Variants in SEMA3F observed in about 807,000 individuals in gnomAD.
SEMA3F encodes semaphorin 3F.
Under a neutral mutation model 98.5 loss-of-function variants are expected in SEMA3F, and 30 were observed. That is an observed-to-expected ratio of 0.30 (90% CI 0.23 to 0.41). SEMA3F has a LOEUF of 0.41. SEMA3F is among the 10% of genes least tolerant of loss of function. SEMA3F has a pLI of 1.00. For synonymous variants in SEMA3F, 380 were observed against 444.8 expected (o/e 0.85, Z 1.83); for missense variants, 866 against 1,119.3 (o/e 0.77, Z 3.23).
intron 2 of SEMA3F, among the ~76,000 whole-genome samples, chr3:50,161,294 C>T (rs1212953457): frequency 6.6e-6 from 1 of 152,230 alleles, no homozygotes; most frequent in African/African-American, 2.4e-5. Context: ...CTCCCTGGAC[C>T]TCCAGGGGCA....
At chr3:50,159,502 C>T (rs1698123012) in intron 1 of SEMA3F, 73 bp from the exon 2 acceptor site, 1 of 621,822 alleles carries the variant, frequency 1.6e-6, no homozygotes, top group Non-Finnish European at 2.8e-6. Flanking sequence ...CCATCAACCT[C>T]TTTGTTCACC....
chr3:50,176,940 A>G (rs1014411659), intron 7 of SEMA3F, 79 bp downstream of exon 7: 1 of 1,164,056 alleles, frequency 8.6e-7, no homozygotes, highest in African/African-American at 1.5e-5. Context: ...ACCAACACTT[A>G]CCCAAGGGCA....
chr3:50,186,368 C>G lies in SEMA3F; in HGVS notation c.1813+20C>G. 6.2e-7 allele frequency: 1 copy of G among 1,609,204 alleles called. No homozygotes were observed. The highest frequency in any genetic ancestry group is 8.5e-7 in the Non-Finnish European group (1 of 1,176,518). On this transcript the variant is annotated intron_variant, in intron 17 of 18. Coordinates refer to ENST00000002829, the MANE Select transcript of SEMA3F (RefSeq NM_004186.5). ...CCAATGGTGAGTATGCTGGGCCTCA[C>G]TGTGGGGTGCTGCTCACACTGCAGA...
At chr3:50,157,924 G>C (rs550188116) in intron 1 of SEMA3F, among the ~76,000 whole-genome samples, 1 of 152,290 alleles carries the variant, frequency 6.6e-6, no homozygotes, top group South Asian at 2.1e-4. Context: ...GCTCTCTGAG[G>C]GACTCAGACG....
rs139276622 is a variant in SEMA3F, at chr3:50,174,233, C to T, written c.339C>T (p.Gly113=). 5.6e-4 allele frequency: 902 copies of T among 1,613,700 alleles called. 4 individuals are homozygous for T. In the African/African-American group the frequency reaches 0.01, roughly 19 times the overall value. The change falls in exon 5 of 19, where the codon GGC becomes GGT. Residue 113 remains glycine (G), a splice_region_variant and synonymous_variant. Coordinates refer to ENST00000002829, the MANE Select transcript of SEMA3F (RefSeq NM_004186.5). Reference sequence around the variant, plus strand: ...TGCAGCCTTCCCTGTGGCCCCAGGGCGAGTGTGGGAACTTCGTCAGGCTCA... The same window carrying T: ...TGCAGCCTTCCCTGTGGCCCCAGGGTGAGTGTGGGAACTTCGTCAGGCTCA... ...ECVLSGKDVN[G]ECGNFVRLIQ...
At chr3:50,169,439 G>C (rs1410391026) in intron 2 of SEMA3F, among the ~76,000 whole-genome samples, 1 of 152,190 alleles carries the variant, frequency 6.6e-6, no homozygotes, top group African/African-American at 2.4e-5. Flanking sequence ...GCGGAAATGA[G>C]GTGTCTGATG....
intron 2 of SEMA3F, among the ~76,000 whole-genome samples, chr3:50,161,183 T>G (rs1448816744): frequency 6.6e-6 from 1 of 152,184 alleles, no homozygotes; most frequent in Non-Finnish European, 1.5e-5. Flanking sequence ...TCCACACCCC[T>G]GGGACCTTGC....
rs766005654 is a variant in SEMA3F at position 50,159,707 on chromosome 3, A to T, written c.85A>T (p.Thr29Ser). ...CCCCACCCAGGACCACCTCCCGGCC[A>T]CGCCCCGGGTCCGGCTCTCATTCAA... ...SFPTQDHLPA[T>S]PRVRLSFKEL... The change falls in exon 2 of 19, where the codon ACG becomes TCG. Residue 29 changes from threonine to serine, a missense_variant. Physicochemically the swap from Thr to Ser is moderately conservative, Grantham distance 58 (BLOSUM62 1). Transcript: ENST00000002829. The T allele has an allele frequency of 2.5e-6, 4 of 1,612,078 alleles. No individual in the cohort carries two copies. Among genetic ancestry groups the T allele is most frequent in the Non-Finnish European group, 1.7e-6 (2 of 1,178,934 alleles).
chr3:50,160,758 C>T (rs908916860), intron 2 of SEMA3F, among the ~76,000 whole-genome samples: 2 of 152,202 alleles, frequency 1.3e-5, no homozygotes, highest in African/African-American at 4.8e-5. Context: ...TCGGGCTTGG[C>T]GGAGGCCCAG....
At chr3:50,175,209 C>T in intron 6 of SEMA3F, 21 bp downstream of exon 6, 1 of 1,529,426 alleles carries the variant, frequency 6.5e-7, no homozygotes, top group Non-Finnish European at 8.9e-7. Context: ...TCCCTCCAGG[C>T]CTTTGCCAGG....
chr3:50,172,016 A>AC (rs1199613348), intron 2 of SEMA3F, among the ~76,000 whole-genome samples: 3 of 151,846 alleles, frequency 2.0e-5, no homozygotes, highest in African/African-American at 7.3e-5. Context: ...AGCTGGTGGA[A>AC]CCCCCTGACC....
chr3:50,178,518 C>T (rs944391136), intron 7 of SEMA3F, among the ~76,000 whole-genome samples: 2 of 151,560 alleles, frequency 1.3e-5, no homozygotes, highest in South Asian at 2.1e-4. Flanking sequence ...GTCAGGAGTT[C>T]GAGACCAGGC....
intron 17 of SEMA3F, 35 bp from the exon 18 acceptor site, chr3:50,186,578 G>A (rs1046365961): frequency 3.2e-6 from 5 of 1,573,090 alleles, no homozygotes; most frequent in Non-Finnish European, 4.3e-6. Context: ...GCCCGGAGGT[G>A]ATGCTGCTTT....
At chr3:50,159,892 C>T (rs1375663178) in intron 2 of SEMA3F, among the ~76,000 whole-genome samples, 158 bp downstream of exon 2, 1 of 152,184 alleles carries the variant, frequency 6.6e-6, no homozygotes, top group Non-Finnish European at 1.5e-5. Flanking sequence ...GAGGTGGTGG[C>T]TTGCTGGGAA....
At position 50,155,348 on chromosome 3, in the gene SEMA3F, C is replaced by G. The variant is rs1205850783; in HGVS notation, c.-265C>G. ...CGAGCGCCCCTGAGCCTTCCCATGG[C>G]CCGGGCTGGGGCCCGGGCCCTCGGC... On this transcript the variant is annotated 5_prime_UTR_variant, in exon 1 of 19. Transcript: ENST00000002829. This position sits in a 1 kb window ranked among gnomAD's most constrained non-coding sequence, Gnocchi z 4.9. 3.3e-6 allele frequency: 1 copy of G among 298,736 alleles called. No individual in the cohort carries two copies. The highest frequency in any genetic ancestry group is 2.2e-5 in the African/African-American group (1 of 44,892). The allele number at this position is 298,736 out of a possible 1,614,324, so 18.5% of individuals were successfully genotyped here. A position where few individuals can be genotyped will look rare whatever the true frequency, so the allele number is the denominator to read the frequency against.
chr3:50,183,701 C>T (rs879750162), intron 12 of SEMA3F, 137 bp downstream of exon 12: 34 of 865,952 alleles, frequency 3.9e-5, no homozygotes, highest in East Asian at 1.0e-4. Flanking sequence ...CACACACAGA[C>T]GGGCCTTCAC....
intron 6 of SEMA3F, among the ~76,000 whole-genome samples, chr3:50,175,745 G>A (rs528415472): frequency 1.3e-5 from 2 of 152,156 alleles, no homozygotes; most frequent in African/African-American, 2.4e-5. Context: ...AGGGGCTGCC[G>A]GTGAATGACA....
At chr3:50,159,767 A>T in intron 2 of SEMA3F, 33 bp downstream of exon 2, 1 of 1,418,094 alleles carries the variant, frequency 7.1e-7, no homozygotes, top group African/African-American at 1.4e-5. Flanking sequence ...CCCAGAAATC[A>T]TCCTCTCTTT....
intron 2 of SEMA3F, among the ~76,000 whole-genome samples, chr3:50,160,717 G>A (rs1385656795): frequency 6.6e-6 from 1 of 152,222 alleles, no homozygotes; most frequent in Non-Finnish European, 1.5e-5. Context: ...CAGCCATACT[G>A]GGGTGAAAGG....
Sources: allele counts gnomAD v4.1 joint callset (sites outside exome capture counted in the v4.1 genomes callset), GRCh38; gene constraint gnomAD v4.1.1; non-coding constraint Gnocchi (gnomAD v3.1); transcripts MANE v1.5; gene names NCBI Gene and HGNC (gene_info 2026-07-23, HGNC 2026-07-21).